Variants in DIP2C observed in about 807,000 individuals in gnomAD.
DIP2C encodes DIP2 acetate--CoA ligase C (putative).
A neutral mutation model predicts 192.4 loss-of-function variants in DIP2C; 33 were observed. That is an observed-to-expected ratio of 0.17 (90% confidence interval 0.13 to 0.23). The LOEUF (loss-of-function observed/expected upper bound fraction) is 0.23, where lower values mean the gene tolerates loss of function less well. Among genes scored for constraint, DIP2C ranks in the 10% least tolerant of loss-of-function variants. The pLI is 1.00. For missense variants in DIP2C, 1,537 were observed against 2,110.1 expected, an observed-to-expected ratio of 0.73 and a Z score of 5.32; for synonymous variants, 979 against 864.1, an observed-to-expected ratio of 1.13 and a Z score of -2.33.
chr10:438,964 G>A (rs913128433), intron 4 of DIP2C, among the ~76,000 whole-genome samples: 1 of 119,064 alleles, frequency 8.4e-6, no homozygotes, highest in Non-Finnish European at 2.0e-5. Flanking sequence ...TGGGACTACA[G>A]GTGTACACCA....
At chr10:685,324 G>A (rs1420368026) in intron 1 of DIP2C, among the ~76,000 whole-genome samples, 1 of 151,880 alleles carries the variant, frequency 6.6e-6, no homozygotes, top group African/African-American at 2.4e-5. Flanking sequence ...CTGCACTACT[G>A]TGGAGCATAA....
At chr10:292,448 G>A (rs577932159) in intron 32 of DIP2C, among the ~76,000 whole-genome samples, 1 of 152,330 alleles carries the variant, frequency 6.6e-6, no homozygotes, top group African/African-American at 2.4e-5. Flanking sequence ...TTGAAGTTCG[G>A]ACTTTTGCTA....
At chr10:404,253 G>C (rs1359097459) in intron 9 of DIP2C, among the ~76,000 whole-genome samples, 2 of 150,504 alleles carry the variant, frequency 1.3e-5, no homozygotes, top group Non-Finnish European at 2.9e-5. Context: ...GTGTCACCCA[G>C]GCTGGAGTAC....
At chr10:293,549 A>G (rs1230378568) in intron 32 of DIP2C, among the ~76,000 whole-genome samples, 1 of 152,244 alleles carries the variant, frequency 6.6e-6, no homozygotes, top group African/African-American at 2.4e-5. Flanking sequence ...GGGGAAATTA[A>G]ATACTCAAAA....
At chr10:612,437 GT>G (rs2073004676) in intron 1 of DIP2C, among the ~76,000 whole-genome samples, 1 of 152,218 alleles carries the variant, frequency 6.6e-6, no homozygotes, top group African/African-American at 2.4e-5. Context: ...ATGGAAAGAA[GT>G]TCCCCAAGGA....
At chr10:401,453 T>C (rs1160641815) in intron 9 of DIP2C, among the ~76,000 whole-genome samples, 2 of 150,808 alleles carry the variant, frequency 1.3e-5, no homozygotes, top group African/African-American at 2.5e-5. Flanking sequence ...AGCGTTACTA[T>C]TCCTTATGGA....
At chr10:565,251 A>T (rs1015208289) in intron 1 of DIP2C, among the ~76,000 whole-genome samples, 3 of 151,998 alleles carry the variant, frequency 2.0e-5, no homozygotes, top group African/African-American at 7.3e-5. Flanking sequence ...GCATTTGTAC[A>T]TACACAGCAT....
chr10:376,119 C>T (rs1403293504), intron 17 of DIP2C, among the ~76,000 whole-genome samples: 2 of 152,240 alleles, frequency 1.3e-5, no homozygotes, highest in Non-Finnish European at 2.9e-5. Flanking sequence ...CCACTCAATG[C>T]TCACACGGGC....
intron 1 of DIP2C, among the ~76,000 whole-genome samples, chr10:487,939 G>A (rs1307638872): frequency 1.3e-5 from 2 of 152,170 alleles, no homozygotes; most frequent in Non-Finnish European, 2.9e-5. Flanking sequence ...GTTAAAGCTT[G>A]CCGGGCACTC....
chr10:300,750 G>A (rs1481299822), intron 32 of DIP2C, among the ~76,000 whole-genome samples: 3 of 148,240 alleles, frequency 2.0e-5, no homozygotes, highest in African/African-American at 7.5e-5. Context: ...CCCTGAGCGT[G>A]TGGAGAAGCC....
intron 1 of DIP2C, among the ~76,000 whole-genome samples, chr10:586,744 G>T (rs943599720): frequency 6.6e-6 from 1 of 152,216 alleles, no homozygotes; most frequent in Non-Finnish European, 1.5e-5. Context: ...CATCTGCAAG[G>T]CCAGGTCCAG....
chr10:548,258 G>T (rs994533357), intron 1 of DIP2C, among the ~76,000 whole-genome samples: 1 of 128,966 alleles, frequency 7.8e-6, no homozygotes, highest in Non-Finnish European at 1.6e-5. Flanking sequence ...GGGCCCCCAG[G>T]TGGGTAAGGA....
chr10:566,614 C>T (rs546607831), intron 1 of DIP2C, among the ~76,000 whole-genome samples: 1 of 152,240 alleles, frequency 6.6e-6, no homozygotes, highest in African/African-American at 2.4e-5. Context: ...GGCCCATGAG[C>T]CCCAGCACAC....
chr10:348,190 C>T (rs1021803160), intron 26 of DIP2C, among the ~76,000 whole-genome samples: 2 of 152,200 alleles, frequency 1.3e-5, no homozygotes, highest in African/African-American at 4.8e-5. Flanking sequence ...CCTCCTTCAA[C>T]GAGGAAAATA....
intron 10 of DIP2C, among the ~76,000 whole-genome samples, chr10:391,955 A>G (rs1179982646): frequency 2.0e-5 from 3 of 152,214 alleles, no homozygotes; most frequent in African/African-American, 7.2e-5. Flanking sequence ...TTAAATCTAC[A>G]GTGAAAACGC....
At chr10:680,043 G>C (rs959250324) in intron 1 of DIP2C, among the ~76,000 whole-genome samples, 2 of 152,204 alleles carry the variant, frequency 1.3e-5, no homozygotes, top group African/African-American at 2.4e-5. Context: ...GAGGTGGGGA[G>C]GGATGGGCTT....
intron 6 of DIP2C, 103 bp downstream of exon 6, chr10:418,962 C>A: frequency 6.5e-7 from 1 of 1,531,840 alleles, no homozygotes; most frequent in Non-Finnish European, 8.8e-7. Context: ...TTTGTCAGAA[C>A]CGATTGTACC....
intron 1 of DIP2C, among the ~76,000 whole-genome samples, chr10:577,310 T>C (rs1850231976): frequency 6.6e-6 from 1 of 152,062 alleles, no homozygotes; most frequent in Non-Finnish European, 1.5e-5. Context: ...TTAGCAAAAA[T>C]TTAGAGGAAG....
intron 1 of DIP2C, among the ~76,000 whole-genome samples, chr10:653,705 C>T (rs190882199): frequency 3.9e-5 from 6 of 152,302 alleles, no homozygotes; most frequent in African/African-American, 1.4e-4. Flanking sequence ...AGAAAGTCTC[C>T]ACCAGGGTGG....
Sources: allele counts gnomAD v4.1 joint callset (sites outside exome capture counted in the v4.1 genomes callset), GRCh38; gene constraint gnomAD v4.1.1; transcripts MANE v1.5; gene names NCBI Gene and HGNC (gene_info 2026-07-23, HGNC 2026-07-21).